Variants in LAMA2 observed in about 807,000 individuals in gnomAD.
LAMA2 encodes laminin subunit alpha 2.
A neutral mutation model predicts 364.8 loss-of-function variants in LAMA2; 269 were observed. The ratio of observed to expected loss-of-function variants is 0.74; its 90% CI spans 0.67 to 0.82. LAMA2 has a LOEUF of 0.82. LAMA2 is among the 40% of genes least tolerant of loss of function. The probability of loss-of-function intolerance (pLI) is 0.00; values close to 1 mark genes in which losing one functional copy is unlikely to be tolerated. For missense variants in LAMA2, 3,807 were observed against 3,873.2 expected, an observed-to-expected ratio of 0.98 and a Z score of 0.45; for synonymous variants, 1,379 against 1,370.6, an observed-to-expected ratio of 1.01 and a Z score of -0.14.
At chr6:129,182,209 A>C (rs569860595) in intron 10 of LAMA2, among the ~76,000 whole-genome samples, 106 of 151,984 alleles carry the variant, frequency 7.0e-4, no homozygotes, top group Non-Finnish European at 1.2e-3. Flanking sequence ...AGAACATAAA[A>C]TTCTAAATGA....
intron 3 of LAMA2, among the ~76,000 whole-genome samples, chr6:129,083,831 C>T (rs771106376): frequency 6.6e-5 from 10 of 152,138 alleles, no homozygotes; most frequent in Admixed American, 1.3e-4. Flanking sequence ...TAGTATTTAA[C>T]GAGGCTTAAT....
chr6:129,318,650 G>A (rs1774765709), intron 27 of LAMA2, among the ~76,000 whole-genome samples: 2 of 152,060 alleles, frequency 1.3e-5, no homozygotes, highest in Admixed American at 1.3e-4. Context: ...AAGGGGAGTG[G>A]TTTGCTTACA....
At chr6:129,216,812 AAC>A (rs3839406) in intron 12 of LAMA2, among the ~76,000 whole-genome samples, 28,267 of 152,158 alleles carry the variant, frequency 0.19, 2,821 homozygotes, top group East Asian at 0.34. Context: ...AATGATCAGA[AAC>A]ACATATTATA....
At chr6:129,341,369 T>C (rs1422141509) in intron 29 of LAMA2, among the ~76,000 whole-genome samples, 1 of 152,228 alleles carries the variant, frequency 6.6e-6, no homozygotes, top group Non-Finnish European at 1.5e-5. Context: ...ATATTGTTTA[T>C]AAGATGTAAG....
intron 16 of LAMA2, among the ~76,000 whole-genome samples, chr6:129,268,766 C>G (rs1283830949): frequency 6.6e-6 from 1 of 152,044 alleles, no homozygotes; most frequent in Non-Finnish European, 1.5e-5. Context: ...CAGTGGACAT[C>G]TTGATGATAA....
At chr6:129,278,584 G>A (rs921436768) in intron 17 of LAMA2, among the ~76,000 whole-genome samples, 3 of 152,122 alleles carry the variant, frequency 2.0e-5, no homozygotes, top group Admixed American at 6.6e-5. Context: ...ATAGTGAACT[G>A]TCTTTGGGTC....
At chr6:128,960,314 T>C (rs1781397705) in intron 1 of LAMA2, among the ~76,000 whole-genome samples, 1 of 151,414 alleles carries the variant, frequency 6.6e-6, no homozygotes, top group East Asian at 1.9e-4. Flanking sequence ...TGTCTTTGGT[T>C]TATTTTGATT....
At chr6:129,016,902 A>C (rs1346522402) in intron 1 of LAMA2, among the ~76,000 whole-genome samples, 2 of 151,664 alleles carry the variant, frequency 1.3e-5, no homozygotes, top group African/African-American at 4.8e-5. Context: ...ATATATACCA[A>C]TTTTTAAAAT....
At chr6:129,065,447 T>A (rs1434257160) in intron 3 of LAMA2, among the ~76,000 whole-genome samples, 2 of 152,026 alleles carry the variant, frequency 1.3e-5, no homozygotes, top group African/African-American at 2.4e-5. Flanking sequence ...TCATCAAAAT[T>A]GAAAAAGAAA....
At chr6:129,338,085 C>T (rs1276120263) in intron 29 of LAMA2, among the ~76,000 whole-genome samples, 1 of 152,128 alleles carries the variant, frequency 6.6e-6, no homozygotes, top group Non-Finnish European at 1.5e-5. Context: ...ACAATATTTG[C>T]TTTCTCTGTT....
chr6:129,201,348 CAG>C (rs1020434752), intron 12 of LAMA2, among the ~76,000 whole-genome samples: 1 of 152,064 alleles, frequency 6.6e-6, no homozygotes, highest in African/African-American at 2.4e-5. Context: ...CTGACCTGCA[CAG>C]AGAGAGAGAC....
rs1217170426 is a variant in LAMA2 at position 129,192,854 on chromosome 6, G to C, written c.1782+1G>C. The C allele has an allele frequency of 6.2e-7, 1 of 1,613,682 alleles. No individual in the cohort carries two copies. Among genetic ancestry groups the C allele is most frequent in the Non-Finnish European group, 8.5e-7 (1 of 1,179,756 alleles). ...GCCGGCTCCCTATCTGGGAAACAAA[G>C]TAAGTCCACGCTTGCTTCCCGCTAT... On this transcript the variant is annotated splice_donor_variant, in intron 12 of 64. Coordinates refer to ENST00000421865, the MANE Select transcript of LAMA2 (RefSeq NM_000426.4). LOFTEE classifies it high-confidence loss of function.
At chr6:129,472,951 G>A (rs910979833) in intron 51 of LAMA2, among the ~76,000 whole-genome samples, 6 of 151,874 alleles carry the variant, frequency 4.0e-5, no homozygotes, top group African/African-American at 1.4e-4. Flanking sequence ...TTGATGTTCA[G>A]TTATAGTTAT....
intron 12 of LAMA2, among the ~76,000 whole-genome samples, chr6:129,218,760 T>C (rs265357): frequency 0.92 from 139,269 of 152,190 alleles, 64,608 homozygotes; most frequent in Non-Finnish European, 0.99. Flanking sequence ...TTCAGTGTTG[T>C]TCATTTTCTA....
At chr6:129,247,461 G>C (rs983380520) in intron 12 of LAMA2, among the ~76,000 whole-genome samples, 3 of 152,048 alleles carry the variant, frequency 2.0e-5, no homozygotes, top group Non-Finnish European at 2.9e-5. Context: ...AAAAAATAAA[G>C]AAAGACAGAA....
At chr6:129,116,591 A>G (rs1019933385) in intron 4 of LAMA2, among the ~76,000 whole-genome samples, 1 of 152,130 alleles carries the variant, frequency 6.6e-6, no homozygotes, top group African/African-American at 2.4e-5. Context: ...ATATTTTAAT[A>G]TAATTGTTTA....
chr6:129,102,772 A>C (rs1775592489), intron 4 of LAMA2, among the ~76,000 whole-genome samples: 1 of 152,222 alleles, frequency 6.6e-6, no homozygotes, highest in Non-Finnish European at 1.5e-5. Context: ...ATCCTGTGTG[A>C]ACTTTCTGAT....
intron 34 of LAMA2, among the ~76,000 whole-genome samples, chr6:129,374,579 CTTTT>C (rs10586725): frequency 7.1e-6 from 1 of 140,700 alleles, no homozygotes; most frequent in African/African-American, 2.6e-5. Flanking sequence ...TACTGCCAAT[CTTTT>C]TTTTTTTTTT....
chr6:129,345,996 C>T (rs1384852788), intron 30 of LAMA2, among the ~76,000 whole-genome samples: 1 of 152,186 alleles, frequency 6.6e-6, no homozygotes, highest in Non-Finnish European at 1.5e-5. Context: ...CAATTTATGA[C>T]TTCAATCTGT....
Sources: gnomAD v4.1 joint callset for allele counts (sites outside exome capture counted in the v4.1 genomes callset) on GRCh38, gnomAD v4.1.1 for gene constraint, MANE v1.5 for transcripts, NCBI Gene and HGNC (gene_info 2026-07-23, HGNC 2026-07-21) for gene names.